Variants in NALCN observed in about 807,000 individuals in gnomAD.
The protein encoded by NALCN is sodium leak channel NALCN.
NALCN carries 111 observed loss-of-function variants against 225.3 expected under a neutral mutation model. The ratio of observed to expected loss-of-function variants is 0.49; its 90% CI spans 0.42 to 0.58. The LOEUF is 0.58. NALCN is among the 20% of genes least tolerant of loss of function. The pLI is 0.00. For missense variants in NALCN, 1,378 were observed against 2,202.4 expected (o/e 0.63, Z 7.49); for synonymous variants, 764 against 769.0 (o/e 0.99, Z 0.11).
intron 1 of NALCN, among the ~76,000 whole-genome samples, chr13:101,405,639 C>A (rs370636822): frequency 6.6e-6 from 1 of 152,314 alleles, no homozygotes. Context: ...GCCTCTCACA[C>A]GCACTGGGCA....
intron 3 of NALCN, among the ~76,000 whole-genome samples, chr13:101,391,417 T>A (rs1280170223): frequency 2.6e-5 from 4 of 152,192 alleles, no homozygotes; most frequent in African/African-American, 9.6e-5. Context: ...ACACTGTGAC[T>A]CACGCCTGTA....
At chr13:101,065,801 G>A (rs932193129) in intron 39 of NALCN, among the ~76,000 whole-genome samples, 6 of 152,110 alleles carry the variant, frequency 3.9e-5, no homozygotes, top group African/African-American at 1.4e-4. Flanking sequence ...TCACCACATT[G>A]CAGCATTTGG....
rs2037190318 is a variant in NALCN, at chr13:101,143,372, CA to C, written c.1977-152del. ...CATGACTAAAATATTTCATTAGCAA[CA>C]GCTTCCTGAAACTCAGTGACTCCTG... On this transcript the variant is annotated intron_variant, in intron 16 of 43. Coordinates refer to ENST00000251127, the MANE Select transcript of NALCN (RefSeq NM_052867.4). 4.0e-5 allele frequency: 29 copies of C among 723,022 alleles called. No individual in the cohort carries two copies. The East Asian group carries it at 8.7e-4, about 22-fold the overall frequency. 44.8% of individuals were successfully genotyped at this position (723,022 alleles called of 1,614,324 possible).
intron 11 of NALCN, 127 bp from the exon 12 acceptor site, chr13:101,238,049 G>T: frequency 1.4e-6 from 1 of 695,798 alleles, no homozygotes; most frequent in Non-Finnish European, 2.3e-6. Context: ...ATAAGGTCAA[G>T]AATGACATTT....
chr13:101,357,976 T>C (rs2046113261), intron 6 of NALCN, among the ~76,000 whole-genome samples: 1 of 152,220 alleles, frequency 6.6e-6, no homozygotes, highest in African/African-American at 2.4e-5. Flanking sequence ...GAAAACTTGC[T>C]AGCCATGTGC....
At chr13:101,201,838 T>C (rs1484147089) in intron 13 of NALCN, among the ~76,000 whole-genome samples, 1 of 152,160 alleles carries the variant, frequency 6.6e-6, no homozygotes, top group Non-Finnish European at 1.5e-5. Flanking sequence ...GAACTCTTTC[T>C]CTACAAAAAA....
At chr13:101,239,411 G>T (rs1365036379) in intron 11 of NALCN, among the ~76,000 whole-genome samples, 1 of 151,964 alleles carries the variant, frequency 6.6e-6, no homozygotes, top group Non-Finnish European at 1.5e-5. Flanking sequence ...GGCATTCTTG[G>T]TATTACCTAA....
At chr13:101,108,046 A>G (rs973427621) in intron 20 of NALCN, among the ~76,000 whole-genome samples, 1 of 148,270 alleles carries the variant, frequency 6.7e-6, no homozygotes, top group Non-Finnish European at 1.5e-5. Context: ...AAATATGTAT[A>G]TTTATACTAA....
chr13:101,243,636 C>T (rs2041811422), intron 11 of NALCN, among the ~76,000 whole-genome samples: 1 of 105,572 alleles, frequency 9.5e-6, no homozygotes, highest in East Asian at 2.4e-4. Flanking sequence ...TTTACGGAGG[C>T]GAAAGACCTG....
At chr13:101,123,760 T>C (rs1317327156) in intron 18 of NALCN, among the ~76,000 whole-genome samples, 1 of 152,214 alleles carries the variant, frequency 6.6e-6, no homozygotes, top group Admixed American at 6.5e-5. Context: ...AGATCATATA[T>C]ACTAAGCTTT....
intron 11 of NALCN, among the ~76,000 whole-genome samples, chr13:101,253,377 A>G (rs1482425685): frequency 6.6e-6 from 1 of 152,290 alleles, no homozygotes; most frequent in African/African-American, 2.4e-5. Context: ...AATATGTGGG[A>G]ACTTAAAAAA....
chr13:101,161,655 T>C (rs2038189556), intron 15 of NALCN, among the ~76,000 whole-genome samples: 1 of 152,334 alleles, frequency 6.6e-6, no homozygotes, highest in East Asian at 1.9e-4. Flanking sequence ...GCGGATCACC[T>C]GAGGTCAGGA....
chr13:101,369,019 C>CA, intron 6 of NALCN: 1 of 359,294 alleles, frequency 2.8e-6, no homozygotes, highest in Non-Finnish European at 5.5e-6. Context: ...AAAACAACAA[C>CA]AAAAAAGATA....
chr13:101,109,781 T>C (rs1178213847), intron 20 of NALCN, among the ~76,000 whole-genome samples: 1 of 152,198 alleles, frequency 6.6e-6, no homozygotes, highest in Non-Finnish European at 1.5e-5. Context: ...TCATGTCTCC[T>C]TCATTTCATT....
chr13:101,285,667 G>C (rs1423501680), intron 9 of NALCN, among the ~76,000 whole-genome samples: 1 of 152,136 alleles, frequency 6.6e-6, no homozygotes, highest in East Asian at 1.9e-4. Flanking sequence ...CCATTTACAG[G>C]ATTCTGATTT....
chr13:101,173,533 C>T (rs1196674957), intron 15 of NALCN, among the ~76,000 whole-genome samples: 4 of 151,972 alleles, frequency 2.6e-5, no homozygotes, highest in African/African-American at 9.7e-5. Context: ...TTGAATGGGT[C>T]GTTTTGAAAA....
chr13:101,134,709 A>G (rs1368304483), intron 17 of NALCN, among the ~76,000 whole-genome samples: 1 of 152,122 alleles, frequency 6.6e-6, no homozygotes, highest in Non-Finnish European at 1.5e-5. Flanking sequence ...AACTTAATGG[A>G]TCTGATTTTT....
intron 10 of NALCN, among the ~76,000 whole-genome samples, chr13:101,261,750 G>T (rs1455700826): frequency 6.6e-6 from 1 of 152,156 alleles, no homozygotes; most frequent in Non-Finnish European, 1.5e-5. Context: ...TCCTTGTGGA[G>T]TCTTTAGGTT....
At chr13:101,387,003 T>G (rs535182170) in intron 3 of NALCN, among the ~76,000 whole-genome samples, 1 of 151,406 alleles carries the variant, frequency 6.6e-6, no homozygotes, top group African/African-American at 2.4e-5. Flanking sequence ...GGGTGGATCA[T>G]GAGGTCAGGA....
Sources: gnomAD v4.1 joint callset for allele counts (sites outside exome capture counted in the v4.1 genomes callset) on GRCh38, gnomAD v4.1.1 for gene constraint, MANE v1.5 for transcripts, NCBI Gene and HGNC (gene_info 2026-07-23, HGNC 2026-07-21) for gene names.